Variants in SLC30A8 observed in about 807,000 individuals in gnomAD.
The protein encoded by SLC30A8 is solute carrier family 30 member 8.
Under a neutral mutation model 36.9 loss-of-function variants are expected in SLC30A8, and 27 were observed. That is an observed-to-expected ratio of 0.73 (90% confidence interval 0.54 to 1.01). The LOEUF is 1.01. Ranked by LOEUF, SLC30A8 falls within the 50% of genes least tolerant of loss-of-function variation. The pLI, the probability that SLC30A8 is intolerant of heterozygous loss-of-function variation, is 0.00. For synonymous variants in SLC30A8, 164 were observed against 172.4 expected (o/e 0.95, Z 0.38); for missense variants, 439 against 452.0 (o/e 0.97, Z 0.26).
chr8:117,088,362 C>T (rs1280153568), intron 2 of SLC30A8, among the ~76,000 whole-genome samples: 2 of 152,134 alleles, frequency 1.3e-5, no homozygotes, highest in African/African-American at 4.8e-5. Flanking sequence ...TGCAGATGCC[C>T]AGGTTTCCCC....
At chr8:117,051,904 C>T (rs1179712587) in intron 2 of SLC30A8, among the ~76,000 whole-genome samples, 1 of 152,228 alleles carries the variant, frequency 6.6e-6, no homozygotes, top group Non-Finnish European at 1.5e-5. Flanking sequence ...TATGCTGGCT[C>T]CCTTTCACCT....
chr8:117,023,800 A>G (rs1213099401), intron 1 of SLC30A8, among the ~76,000 whole-genome samples: 1 of 152,022 alleles, frequency 6.6e-6, no homozygotes, highest in Non-Finnish European at 1.5e-5. Flanking sequence ...CAGCACACCA[A>G]CATGGCACAT....
intron 1 of SLC30A8, among the ~76,000 whole-genome samples, chr8:117,138,060 CAAAAAAAAAA>C (rs60065374): frequency 4.0e-5 from 2 of 49,984 alleles, no homozygotes; most frequent in African/African-American, 7.0e-5. Flanking sequence ...TTCATTGTAG[CAAAAAAAAAA>C]AAAAAAAAAA....
At chr8:117,150,444 T>TTAAG (rs1401492362) in intron 2 of SLC30A8, among the ~76,000 whole-genome samples, 1 of 152,284 alleles carries the variant, frequency 6.6e-6, no homozygotes, top group African/African-American at 2.4e-5. Flanking sequence ...TCCACAGGCC[T>TTAAG]TAAGTCAAGT....
At chr8:117,147,274 A>G in intron 2 of SLC30A8, 121 bp downstream of exon 2, 2 of 797,626 alleles carry the variant, frequency 2.5e-6, no homozygotes, top group Non-Finnish European at 3.9e-6. Context: ...TAAGGTAACA[A>G]TATGCTCATT....
At chr8:117,092,934 T>G (rs1819193665) in intron 2 of SLC30A8, among the ~76,000 whole-genome samples, 1 of 152,172 alleles carries the variant, frequency 6.6e-6, no homozygotes, top group South Asian at 2.1e-4. Flanking sequence ...CTGCTCATAG[T>G]ATAGCTTGTA....
chr8:117,126,196 T>A, intron 2 of SLC30A8, among the ~76,000 whole-genome samples: 1 of 152,056 alleles, frequency 6.6e-6, no homozygotes, highest in East Asian at 1.9e-4. Context: ...GATCTCAAAG[T>A]ACTTTGTGAT....
At chr8:117,044,995 T>C (rs1414620028) in intron 2 of SLC30A8, among the ~76,000 whole-genome samples, 4 of 152,222 alleles carry the variant, frequency 2.6e-5, no homozygotes, top group African/African-American at 7.2e-5. Context: ...AGCCAGGGAT[T>C]CCAGTAGGGA....
intron 2 of SLC30A8, among the ~76,000 whole-genome samples, chr8:117,086,363 C>A (rs1051101169): frequency 1.3e-5 from 2 of 152,154 alleles, no homozygotes; most frequent in African/African-American, 4.8e-5. Flanking sequence ...ATTTTTGCCA[C>A]CCCACTAATA....
At chr8:117,083,769 T>A (rs1818757002) in intron 2 of SLC30A8, among the ~76,000 whole-genome samples, 1 of 152,178 alleles carries the variant, frequency 6.6e-6, no homozygotes, top group South Asian at 2.1e-4. Context: ...GCAGTAGACA[T>A]GCTGCATGAA....
chr8:117,126,643 A>T (rs1324564061), intron 2 of SLC30A8, among the ~76,000 whole-genome samples: 1 of 152,042 alleles, frequency 6.6e-6, no homozygotes, highest in Non-Finnish European at 1.5e-5. Flanking sequence ...GATACCGTTT[A>T]TGAAGAACTG....
Position 117,124,644 on chromosome 8 carries a change from T to G in SLC30A8, c.-225-10636T>G, listed in dbSNP as rs569452673. The stretch of plus-strand genomic sequence containing the variant: ...AAGGGCAGAGAAGTCCTCCCTTGTA[T>G]CCAGAAAAAAAAAAAAAAAAGATTA... On this transcript the variant is annotated intron_variant, in intron 2 of 10. Transcript: ENST00000427715. Among the ~76,000 whole-genome samples, 8 of 124,008 alleles carry G rather than the reference T, an allele frequency of 6.5e-5. No individual in the cohort carries two copies. In the South Asian group the frequency reaches 1.9e-3, roughly 30 times the overall value. 81.4% of individuals were successfully genotyped at this position (124,008 alleles called of 152,430 possible).
intron 1 of SLC30A8, chr8:117,018,087 A>C (rs562770203): frequency 6.6e-6 from 1 of 151,966 alleles, no homozygotes; most frequent in African/African-American, 2.4e-5. Flanking sequence ...CAATATGGTG[A>C]CCTCCCTGGG....
intron 6 of SLC30A8, among the ~76,000 whole-genome samples, chr8:117,167,496 T>C (rs1048916606): frequency 2.1e-5 from 3 of 140,510 alleles, no homozygotes; most frequent in Non-Finnish European, 3.0e-5. Flanking sequence ...TATATATACA[T>C]ACATACATGT....
chr8:117,130,598 G>T (rs1167008558), upstream of SLC30A8, among the ~76,000 whole-genome samples: 1 of 151,716 alleles, frequency 6.6e-6, no homozygotes, highest in Non-Finnish European at 1.5e-5. Flanking sequence ...TAGACCAAGG[G>T]GTTGGAATAT....
Position 117,153,044 on chromosome 8 carries a change from A to G in SLC30A8, c.372A>G (p.Ser124=), listed in dbSNP as rs906647932. 1 of 1,613,310 alleles carries G rather than the reference A, an allele frequency of 6.2e-7. No homozygotes were observed. The highest frequency in any genetic ancestry group is 8.5e-7 in the Non-Finnish European group (1 of 1,179,452). The change falls in exon 3 of 8, where the codon TCA becomes TCG. Residue 124 remains serine (S), a synonymous_variant. Coordinates refer to ENST00000456015, the MANE Select transcript of SLC30A8 (RefSeq NM_173851.3). The part of the protein sequence containing the change: ...FLLSLFSLWL[S]SKPPSKRLTF... ...TCAGTCTCTTCTCCCTGTGGTTGTCATCGAAGCCTCCCTCTAAGCGGCTGA... is the reference window on the plus strand; with the variant it reads ...TCAGTCTCTTCTCCCTGTGGTTGTCGTCGAAGCCTCCCTCTAAGCGGCTGA...
intron 1 of SLC30A8, among the ~76,000 whole-genome samples, chr8:117,144,796 C>T (rs777386866): frequency 1.3e-5 from 2 of 152,060 alleles, no homozygotes; most frequent in Admixed American, 1.3e-4. Flanking sequence ...AGGAGCAGCC[C>T]TGTGGTTTAG....
intron 2 of SLC30A8, among the ~76,000 whole-genome samples, chr8:117,112,750 T>C (rs1820283755): frequency 6.6e-6 from 1 of 152,162 alleles, no homozygotes; most frequent in South Asian, 2.1e-4. Context: ...AATGTGTTAT[T>C]ACAGACTCAA....
At chr8:117,111,105 T>C (rs1247081611) in intron 2 of SLC30A8, among the ~76,000 whole-genome samples, 2 of 152,186 alleles carry the variant, frequency 1.3e-5, no homozygotes, top group Non-Finnish European at 2.9e-5. Flanking sequence ...CAAATGAAAT[T>C]GTGATAAAAC....
Sources: allele counts gnomAD v4.1 joint callset (sites outside exome capture counted in the v4.1 genomes callset), GRCh38; gene constraint gnomAD v4.1.1; transcripts MANE v1.5; gene names NCBI Gene and HGNC (gene_info 2026-07-23, HGNC 2026-07-21).